Variants in KCNMB2 observed in about 807,000 individuals in gnomAD.
KCNMB2 encodes calcium-activated potassium channel subunit beta-2.
Under a neutral mutation model 24.5 loss-of-function variants are expected in KCNMB2, and 9 were observed. The observed-to-expected ratio is 0.37, with a 90% CI of 0.22 to 0.64. KCNMB2 has a LOEUF of 0.64. Among genes scored for constraint, KCNMB2 ranks in the 30% least tolerant of loss-of-function variants. The pLI is 0.63. For missense variants in KCNMB2, 226 were observed against 284.3 expected, an observed-to-expected ratio of 0.79 and a Z score of 1.47; for synonymous variants, 109 against 104.4, an observed-to-expected ratio of 1.04 and a Z score of -0.27.
rs558336824 is a variant in KCNMB2 at position 178,657,354 on chromosome 3, T to A, written c.-68+120643T>A. The stretch of plus-strand genomic sequence containing the variant: ...GTCACTCCAGCCTGGAGTTGAGAGC[T>A]CTTGCTCTCAGCATAAGGCTCAGCC... On this transcript the variant is annotated intron_variant, in intron 1 of 4. Transcript: ENST00000452583. Among the ~76,000 whole-genome samples, 15 of 152,350 alleles carry A rather than the reference T, an allele frequency of 9.8e-5. No individual in the cohort carries two copies. The South Asian group carries it at 3.1e-3, about 32-fold the overall frequency.
intron 1 of KCNMB2, among the ~76,000 whole-genome samples, chr3:178,768,276 T>C (rs1186412560): frequency 1.3e-5 from 2 of 152,120 alleles, no homozygotes; most frequent in Non-Finnish European, 2.9e-5. Flanking sequence ...AGTTTCTGCC[T>C]GACGCTACTT....
At chr3:178,780,114 A>G (rs1196619356) in intron 1 of KCNMB2, among the ~76,000 whole-genome samples, 1 of 148,646 alleles carries the variant, frequency 6.7e-6, no homozygotes, top group Non-Finnish European at 1.5e-5. Context: ...CTGTATTTCT[A>G]TTCATTTCAG....
intron 1 of KCNMB2, among the ~76,000 whole-genome samples, chr3:178,616,511 A>G (rs1201044811): frequency 2.6e-5 from 4 of 151,998 alleles, no homozygotes; most frequent in Admixed American, 1.3e-4. Context: ...ATCCAGAGAC[A>G]CTCTCTGCAC....
At chr3:178,627,501 C>T (rs1166456100) in intron 1 of KCNMB2, among the ~76,000 whole-genome samples, 1 of 152,142 alleles carries the variant, frequency 6.6e-6, no homozygotes, top group East Asian at 1.9e-4. Context: ...CTTATAAAAG[C>T]GTGTGAGAAA....
chr3:178,806,026 A>G (rs1341042246), intron 1 of KCNMB2, among the ~76,000 whole-genome samples: 2 of 152,180 alleles, frequency 1.3e-5, no homozygotes, highest in Non-Finnish European at 2.9e-5. Context: ...CTACTGGGGA[A>G]GCTGAGGAGG....
intron 1 of KCNMB2, among the ~76,000 whole-genome samples, chr3:178,712,669 C>G (rs909732080): frequency 2.6e-5 from 4 of 152,128 alleles, no homozygotes; most frequent in Non-Finnish European, 4.4e-5. Context: ...AGATGGGGAA[C>G]CTAAGCACAG....
chr3:178,828,652 CTGAG>C (rs900018261), intron 4 of KCNMB2, among the ~76,000 whole-genome samples: 1 of 152,110 alleles, frequency 6.6e-6, no homozygotes, highest in African/African-American at 2.4e-5. Flanking sequence ...CACAAATAGA[CTGAG>C]TCTTTCAAAG....
intron 1 of KCNMB2, among the ~76,000 whole-genome samples, chr3:178,651,606 T>C (rs1435231477): frequency 2.6e-5 from 4 of 152,208 alleles, no homozygotes; most frequent in Admixed American, 6.5e-5. Context: ...ATAGCCCATA[T>C]AGCCAAGACA....
chr3:178,601,351 A>G (rs1170378826), intron 1 of KCNMB2, among the ~76,000 whole-genome samples: 1 of 152,144 alleles, frequency 6.6e-6, no homozygotes, highest in Non-Finnish European at 1.5e-5. Flanking sequence ...AATAAAAATA[A>G]ATAAATAAAT....
At chr3:178,715,606 A>G (rs1329183365) in intron 1 of KCNMB2, among the ~76,000 whole-genome samples, 1 of 152,038 alleles carries the variant, frequency 6.6e-6, no homozygotes, top group Non-Finnish European at 1.5e-5. Context: ...TCTGAGTCCT[A>G]CTGTAAATCA....
At chr3:178,621,047 C>T (rs1402326707) in intron 1 of KCNMB2, among the ~76,000 whole-genome samples, 4 of 152,130 alleles carry the variant, frequency 2.6e-5, no homozygotes, top group African/African-American at 9.7e-5. Flanking sequence ...TAAGGCAATG[C>T]CATGGTCAAA....
intron 1 of KCNMB2, among the ~76,000 whole-genome samples, chr3:178,795,428 C>T (rs1464290766): frequency 6.6e-6 from 1 of 152,196 alleles, no homozygotes; most frequent in South Asian, 2.1e-4. Flanking sequence ...TATGACCACA[C>T]ATAGGAGATT....
chr3:178,842,693 C>A lies in KCNMB2; in HGVS notation c.464C>A (p.Ser155Tyr), dbSNP rs1233737984. The A allele has an allele frequency of 2.5e-6, 4 of 1,613,036 alleles. No individual in the cohort carries two copies. Among genetic ancestry groups the A allele is most frequent in the Non-Finnish European group, 3.4e-6 (4 of 1,179,042 alleles). ...IPKCGKNFEE[S>Y]MSLVNVVMEN... ...AAATGTGGAAAAAATTTTGAAGAAT[C>A]CATGTCCCTGGTGAATGTTGTCATG... The change falls in exon 5 of 5, where the codon TCC (serine) becomes TAC (tyrosine). Residue 155 changes from serine to tyrosine, a missense_variant. Physicochemically the swap from Ser to Tyr is moderately radical, Grantham distance 144 (BLOSUM62 -2). Transcript: ENST00000452583.
chr3:178,660,142 C>T (rs1720474710), intron 1 of KCNMB2, among the ~76,000 whole-genome samples: 2 of 152,094 alleles, frequency 1.3e-5, no homozygotes, highest in Non-Finnish European at 1.5e-5. Flanking sequence ...ATTTCTGCTA[C>T]TTATTACTTG....
chr3:178,725,732 G>A (rs1722946192), intron 1 of KCNMB2, among the ~76,000 whole-genome samples: 1 of 151,976 alleles, frequency 6.6e-6, no homozygotes, highest in Non-Finnish European at 1.5e-5. Flanking sequence ...TCGATGGAAT[G>A]TTGTCAGATA....
At chr3:178,576,961 G>A (rs548104069) in intron 1 of KCNMB2, among the ~76,000 whole-genome samples, 17 of 152,318 alleles carry the variant, frequency 1.1e-4, no homozygotes, top group African/African-American at 2.2e-4. Flanking sequence ...TGAAGAGAGC[G>A]GAGGATCTCC....
At chr3:178,759,431 GAGGATAT>G in intron 1 of KCNMB2, among the ~76,000 whole-genome samples, 1 of 13,556 alleles carries the variant, frequency 7.4e-5, no homozygotes, top group Non-Finnish European at 1.0e-4. Context: ...ATCTCTCCAA[GAGGATAT>G]ATATATATAT....
intron 1 of KCNMB2, among the ~76,000 whole-genome samples, chr3:178,599,997 C>A (rs565737314): frequency 6.6e-6 from 1 of 152,182 alleles, no homozygotes; most frequent in Non-Finnish European, 1.5e-5. Flanking sequence ...CCTGCCTCAG[C>A]CTCCCAAGTA....
At chr3:178,590,337 T>C (rs1717619979) in intron 1 of KCNMB2, among the ~76,000 whole-genome samples, 2 of 152,084 alleles carry the variant, frequency 1.3e-5, no homozygotes, top group Admixed American at 1.3e-4. Context: ...ACTATTCCTC[T>C]CAAAAATTGA....
Sources: allele counts gnomAD v4.1 joint callset (sites outside exome capture counted in the v4.1 genomes callset), GRCh38; gene constraint gnomAD v4.1.1; transcripts MANE v1.5; gene names NCBI Gene and HGNC (gene_info 2026-07-23, HGNC 2026-07-21).